The following LOXL3 variants were observed in gnomAD, a reference collection of about 807,000 sequenced individuals.
LOXL3 encodes lysyl oxidase homolog 3.
In LOXL3, 60 loss-of-function variants were observed where a neutral mutation model predicts 91.8. The ratio of observed to expected loss-of-function variants is 0.65; its 90% CI spans 0.53 to 0.81. The LOEUF (loss-of-function observed/expected upper bound fraction) is 0.81, where lower values mean the gene tolerates loss of function less well. Among genes scored for constraint, LOXL3 ranks in the 30% least tolerant of loss-of-function variants. LOXL3 has a pLI of 0.00. For missense variants in LOXL3, 874 were observed against 1,000.4 expected (o/e 0.87, Z 1.70); for synonymous variants, 355 against 387.6 (o/e 0.92, Z 0.99).
At position 74,533,596 on chromosome 2, in the gene LOXL3, G is replaced by C. The variant is rs776038405; in HGVS notation, c.*10C>G. ...AGGGGCCAGTGGTGGTTTGCAGAGG[G>C]CAGTGGCACTTAGATAATCTGGTTG... On this transcript the variant is annotated 3_prime_UTR_variant, in exon 14 of 14. Transcript: ENST00000264094. 6.2e-7 allele frequency: 1 copy of C among 1,613,568 alleles called. No homozygotes were observed. Among genetic ancestry groups the C allele is most frequent in the Non-Finnish European group, 8.5e-7 (1 of 1,179,538 alleles).
rs775264232 is a variant in LOXL3, at chr2:74,535,713, C to T, written c.1291G>A (p.Glu431Lys). 5 of 1,598,628 alleles carry T rather than the reference C, an allele frequency of 3.1e-6. No individual in the cohort carries two copies. Among genetic ancestry groups the T allele is most frequent in the South Asian group, 2.2e-5 (2 of 89,182 alleles). The change falls in exon 8 of 14, where the codon GAG becomes AAG. Residue 431 changes from glutamate (E) to lysine (K), a missense_variant. By Grantham distance (56) the Glu-to-Lys change is moderately conservative. Coordinates refer to ENST00000264094, the MANE Select transcript of LOXL3 (RefSeq NM_032603.5). This position sits in a 1 kb window ranked among gnomAD's most constrained non-coding sequence, Gnocchi z 4.2. ...GGCCCAGGTCCCCCTATTTGCACCT[C>T]GACTCGCCCCTCATGTTGGCTGCGG... is the stretch of plus-strand genomic sequence containing the variant. The part of the protein sequence containing the change: ...GGRSQHEGRV[E>K]VQIGGPGPLR...
At chr2:74,554,797 C>A (rs747377401), upstream of LOXL3, 8 of 1,614,020 alleles carry the variant, frequency 5.0e-6, no homozygotes, top group Non-Finnish European at 6.8e-6. This position sits in a 1 kb window ranked among gnomAD's most constrained non-coding sequence, Gnocchi z 4.9. Flanking sequence ...TTTGCAGAGT[C>A]AGCGCTTTGG....
chr2:74,535,867 T>A lies in LOXL3; in HGVS notation c.1249-112A>T. Reference sequence around the variant, plus strand: ...AGGCACATAATGGGCTAGCAAGTGATGGGTCAGGTGGGAGCTGCAGGAGGG... The same window carrying A: ...AGGCACATAATGGGCTAGCAAGTGAAGGGTCAGGTGGGAGCTGCAGGAGGG... On this transcript the variant is annotated intron_variant, in intron 7 of 13. Transcript: ENST00000264094. This position sits in a 1 kb window ranked among gnomAD's most constrained non-coding sequence, Gnocchi z 4.2. The A allele has an allele frequency of 2.7e-6, 4 of 1,475,328 alleles. No homozygotes were observed. Among genetic ancestry groups the A allele is most frequent in the Non-Finnish European group, 2.7e-6 (3 of 1,106,190 alleles). The allele number at this position is 1,475,328 out of a possible 1,614,324, so 91.4% of individuals were successfully genotyped here. A position where few individuals can be genotyped will look rare whatever the true frequency, so the allele number is the denominator to read the frequency against.
chr2:74,553,478 C>T (rs1677161875), intron 1 of LOXL3, among the ~76,000 whole-genome samples: 1 of 152,210 alleles, frequency 6.6e-6, no homozygotes, highest in African/African-American at 2.4e-5. Context: ...CACCGGGCAA[C>T]GGGAGGCCAG....
At chr2:74,552,262 T>C in intron 2 of LOXL3, 60 bp downstream of exon 2, 2 of 1,502,622 alleles carry the variant, frequency 1.3e-6, no homozygotes, top group East Asian at 4.6e-5. Context: ...TCGTGTTCCC[T>C]TTCCCTGCAC....
Position 74,549,353 on chromosome 2 carries a change from G to T in LOXL3, c.692+16C>A. ...CCAATCCCGGCCTGCTCCGCCCGGC[G>T]CCCGCGGCCCCTCACCTGTAGAAGG... On this transcript the variant is annotated intron_variant, in intron 4 of 13. Coordinates refer to ENST00000264094, the MANE Select transcript of LOXL3 (RefSeq NM_032603.5). This position sits in a 1 kb window ranked among gnomAD's most constrained non-coding sequence, Gnocchi z 5.3. The T allele has an allele frequency of 6.4e-7, 1 of 1,556,740 alleles. No homozygotes were observed. Among genetic ancestry groups the T allele is most frequent in the South Asian group, 1.2e-5 (1 of 85,416 alleles).
At chr2:74,541,875 T>G (rs1179788312) in intron 4 of LOXL3, among the ~76,000 whole-genome samples, 3 of 151,342 alleles carry the variant, frequency 2.0e-5, no homozygotes, top group Admixed American at 6.6e-5. Context: ...TATATATAAG[T>G]TATGTTAAGG....
upstream of LOXL3, chr2:74,554,651 C>A: frequency 3.5e-6 from 4 of 1,152,682 alleles, no homozygotes; most frequent in Admixed American, 4.8e-5. The surrounding 1 kb of genome is among the most constrained non-coding windows in gnomAD (Gnocchi z 4.9). Flanking sequence ...CGGCTGCCGG[C>A]GGGGGCCGGG....
In LOXL3 at chr2:74,537,025, C is replaced by G. The variant is rs1020129172; in HGVS notation, c.693-97G>C. ...CACTTCATGCCTCCACCATGCCCCCCACCCTTTTGTGACCATTTATCTCCT... is the reference window on the plus strand; with the variant it reads ...CACTTCATGCCTCCACCATGCCCCCGACCCTTTTGTGACCATTTATCTCCT... On this transcript the variant is annotated intron_variant, in intron 4 of 13. Coordinates refer to ENST00000264094, the MANE Select transcript of LOXL3 (RefSeq NM_032603.5). 3.9e-5 allele frequency: 36 copies of G among 920,888 alleles called. No individual in the cohort carries two copies. In the Admixed American group the frequency reaches 5.6e-4, roughly 14 times the overall value. 57.0% of individuals were successfully genotyped at this position (920,888 alleles called of 1,614,324 possible).
chr2:74,537,189 G>C (rs1347754865), intron 4 of LOXL3, among the ~76,000 whole-genome samples: 2 of 152,224 alleles, frequency 1.3e-5, no homozygotes, highest in Non-Finnish European at 2.9e-5. Context: ...AGGATGGCTA[G>C]TCTCGACTTG....
intron 4 of LOXL3, among the ~76,000 whole-genome samples, chr2:74,547,738 C>A (rs935155137): frequency 6.6e-6 from 1 of 150,694 alleles, no homozygotes; most frequent in South Asian, 2.1e-4. Context: ...AAGTAATATT[C>A]TAGAATAAAT....
chr2:74,541,166 C>T (rs1046030228), intron 4 of LOXL3, among the ~76,000 whole-genome samples: 2 of 152,182 alleles, frequency 1.3e-5, no homozygotes, highest in Admixed American at 1.3e-4. Context: ...GTAGCATTTA[C>T]ATTATGTTAG....
At position 74,534,295 on chromosome 2, in the gene LOXL3, T is replaced by C. The variant is rs6707302; in HGVS notation, c.1939+21A>G. ...GGCTGTGCAATGGATACCATGTGGTTCACTTCAGTCCCCAACTCACCCTCC... is the reference window on the plus strand; with the variant it reads ...GGCTGTGCAATGGATACCATGTGGTCCACTTCAGTCCCCAACTCACCCTCC... On this transcript the variant is annotated intron_variant, in intron 11 of 13. Coordinates refer to ENST00000264094, the MANE Select transcript of LOXL3 (RefSeq NM_032603.5). 0.21 allele frequency: 340,022 copies of C among 1,613,930 alleles called. 63,861 individuals are homozygous for C. Among genetic ancestry groups the C allele is most frequent in the East Asian group, 0.84 (37,723 of 44,874 alleles).
Position 74,535,347 on chromosome 2 carries a change from G to A in LOXL3, c.1524C>T (p.His508=), listed in dbSNP as rs1675953160. The A allele has an allele frequency of 6.2e-7, 1 of 1,613,966 alleles. No homozygotes were observed. Among genetic ancestry groups the A allele is most frequent in the Admixed American group, 1.7e-5 (1 of 60,000 alleles). The change falls in exon 9 of 14, where the codon CAC becomes CAT. Residue 508 remains histidine (H), a synonymous_variant. Transcript: ENST00000264094. The surrounding 1 kb of genome is among the most constrained non-coding windows in gnomAD (Gnocchi z 4.2). ...GGGTCCCTGTCCTCTTGCAGGTGAT[G>A]TGGGTGCCATGATGGGCACACTGAT... ...SLDQCAHHGT[H]ITCKRTGTRF...
At chr2:74,554,047 TCTC>T (rs531506448), upstream of LOXL3, 1 of 151,636 alleles carries the variant, frequency 6.6e-6, no homozygotes, top group South Asian at 2.1e-4. This position sits in a 1 kb window ranked among gnomAD's most constrained non-coding sequence, Gnocchi z 4.9. Context: ...CATTCCGCCT[TCTC>T]CTTCCATTCC....
chr2:74,534,069 C>T (rs1240978540), intron 12 of LOXL3, 31 bp downstream of exon 12: 2 of 1,613,202 alleles, frequency 1.2e-6, no homozygotes, highest in Non-Finnish European at 8.5e-7. Flanking sequence ...TCCCCCCACT[C>T]ACCCATCTGG....
chr2:74,539,110 T>C (rs1378380359), intron 4 of LOXL3, among the ~76,000 whole-genome samples: 1 of 152,190 alleles, frequency 6.6e-6, no homozygotes, highest in Non-Finnish European at 1.5e-5. Flanking sequence ...GAATTTTATT[T>C]ACCTCTTGTG....
rs754558205 is a variant in LOXL3, at chr2:74,536,796, G to C, written c.825C>G (p.Gly275=). ...ANDTARCPGG[G]PAVVSCVPGP... ...CTGGCACACAGCTCACCACTGCAGG[G>C]CCCCCCCCAGGGCACCTGGCGGTGT... The change falls in exon 5 of 14, where the codon GGC becomes GGG. Residue 275 remains glycine (G), a synonymous_variant. Coordinates refer to ENST00000264094, the MANE Select transcript of LOXL3 (RefSeq NM_032603.5). This position sits in a 1 kb window ranked among gnomAD's most constrained non-coding sequence, Gnocchi z 4.5. 12 of 1,613,066 alleles carry C rather than the reference G, an allele frequency of 7.4e-6. No homozygotes were observed. Among genetic ancestry groups the C allele is most frequent in the Middle Eastern group, 1.7e-4 (1 of 6,060 alleles).
Position 74,534,653 on chromosome 2 carries a change from T to G in LOXL3, c.1701A>C (p.Ser567=). Residue 567 remains serine (S), a synonymous_variant, in exon 10 of 14, where the codon TCA becomes TCC. Coordinates refer to ENST00000264094, the MANE Select transcript of LOXL3 (RefSeq NM_032603.5). ...GCCGGTGACCATAGGGCCAGTTGGC[T>G]GAGCGGGCTGAGCTGGCCAGGCAGT... ...EENCLASSAR[S]ANWPYGHRRL... 1.2e-6 allele frequency: 2 copies of G among 1,614,212 alleles called. No individual in the cohort carries two copies. Among genetic ancestry groups the G allele is most frequent in the Admixed American group, 3.3e-5 (2 of 60,026 alleles).
Sources: gnomAD v4.1 joint callset for allele counts (sites outside exome capture counted in the v4.1 genomes callset) on GRCh38, gnomAD v4.1.1 for gene constraint, Gnocchi (gnomAD v3.1) non-coding constraint, MANE v1.5 for transcripts, NCBI Gene and HGNC (gene_info 2026-07-23, HGNC 2026-07-21) for gene names.